RTTN: variants seen among roughly 807,000 people sequenced by gnomAD.
RTTN encodes the protein rotatin.
In RTTN, 182 loss-of-function variants were observed where a neutral mutation model predicts 269.2. That is an observed-to-expected ratio of 0.68 (90% confidence interval 0.60 to 0.76). The LOEUF is 0.76. RTTN is among the 30% of genes least tolerant of loss of function. RTTN has a pLI of 0.00. For missense variants in RTTN, 2,545 were observed against 2,608.6 expected, an observed-to-expected ratio of 0.98 and a Z score of 0.53; for synonymous variants, 1,006 against 963.5, an observed-to-expected ratio of 1.04 and a Z score of -0.82.
At chr18:70,043,166 C>A (rs1000857159) in intron 40 of RTTN, among the ~76,000 whole-genome samples, 1 of 152,174 alleles carries the variant, frequency 6.6e-6, no homozygotes, top group African/African-American at 2.4e-5. Flanking sequence ...CAATTCTGAA[C>A]ACACTGAGAG....
Position 70,065,812 on chromosome 18 carries a change from C to A in RTTN, c.4747+17G>T. ...ATTTTTCTTTTTGAAGGTAGAATGT[C>A]TTCACTAAAAGGATACCTTGAGCCA... On this transcript the variant is annotated intron_variant, in intron 35 of 48. Transcript: ENST00000640769. 1 of 1,527,126 alleles carries A rather than the reference C, an allele frequency of 6.5e-7. No homozygotes were observed. The highest frequency in any genetic ancestry group is 1.3e-5 in the South Asian group (1 of 78,814). The allele number at this position is 1,527,126 out of a possible 1,614,324, so 94.6% of individuals were successfully genotyped here.
intron 35 of RTTN, among the ~76,000 whole-genome samples, chr18:70,062,193 T>C (rs1033173120): frequency 2.0e-5 from 3 of 152,228 alleles, no homozygotes; most frequent in African/African-American, 7.2e-5. Flanking sequence ...ATGTGAAATG[T>C]AGCTGGATTA....
At chr18:70,038,108 G>T (rs900643609) in intron 40 of RTTN, among the ~76,000 whole-genome samples, 1 of 152,182 alleles carries the variant, frequency 6.6e-6, no homozygotes, top group Non-Finnish European at 1.5e-5. Context: ...TAGAACATCA[G>T]GTAAAATTCT....
chr18:70,003,354 C>A lies in RTTN; in HGVS notation c.*797G>T, dbSNP rs1308658100. 1 of 152,076 alleles carries A rather than the reference C, an allele frequency of 6.6e-6. No individual in the cohort carries two copies. Among genetic ancestry groups the A allele is most frequent in the Non-Finnish European group, 1.5e-5 (1 of 68,020 alleles). The allele number at this position is 152,076 out of a possible 1,614,324, so 9.4% of individuals were successfully genotyped here. ...AAGCCCGGCCATCTTCTGCATTTTT[C>A]AGTCTTACTCTATTCTTCATGATGT... On this transcript the variant is annotated 3_prime_UTR_variant, in exon 49 of 49. Coordinates refer to ENST00000640769, the MANE Select transcript of RTTN (RefSeq NM_173630.4).
At chr18:70,200,133 A>G (rs994418977) in intron 4 of RTTN, among the ~76,000 whole-genome samples, 4 of 152,254 alleles carry the variant, frequency 2.6e-5, no homozygotes, top group African/African-American at 7.2e-5. Flanking sequence ...TAGCATCTAC[A>G]TAAGTCCTTC....
chr18:70,180,247 C>T (rs900173426), intron 10 of RTTN, among the ~76,000 whole-genome samples: 1 of 152,178 alleles, frequency 6.6e-6, no homozygotes, highest in Admixed American at 6.5e-5. Context: ...CTAATCCCAG[C>T]ACTTTGGGAG....
chr18:70,055,041 T>C (rs1207547440), intron 37 of RTTN, among the ~76,000 whole-genome samples: 1 of 152,114 alleles, frequency 6.6e-6, no homozygotes, highest in Non-Finnish European at 1.5e-5. Flanking sequence ...GCCCTCAGCA[T>C]AAAATTACTA....
intron 44 of RTTN, among the ~76,000 whole-genome samples, chr18:70,023,528 T>C (rs1168633146): frequency 6.6e-6 from 1 of 152,204 alleles, no homozygotes; most frequent in Non-Finnish European, 1.5e-5. Context: ...TTCCCCATTT[T>C]AGTAAATGGC....
intron 10 of RTTN, among the ~76,000 whole-genome samples, chr18:70,182,652 T>C (rs550212872): frequency 8.5e-5 from 13 of 152,228 alleles, no homozygotes; most frequent in Non-Finnish European, 1.9e-4. Context: ...AAATGATTTA[T>C]GATATTTTGA....
At chr18:70,126,189 A>C (rs1347065540) in intron 25 of RTTN, among the ~76,000 whole-genome samples, 1 of 152,100 alleles carries the variant, frequency 6.6e-6, no homozygotes, top group Non-Finnish European at 1.5e-5. Flanking sequence ...ACTGACCCAC[A>C]GTTTGAGAGT....
intron 32 of RTTN, among the ~76,000 whole-genome samples, chr18:70,083,690 A>G (rs924627416): frequency 6.6e-6 from 1 of 152,166 alleles, no homozygotes; most frequent in African/African-American, 2.4e-5. Flanking sequence ...ATTACAAGGA[A>G]AGGTAAATTG....
chr18:70,015,197 G>T (rs1480002560), intron 46 of RTTN, among the ~76,000 whole-genome samples: 1 of 152,008 alleles, frequency 6.6e-6, no homozygotes, highest in African/African-American at 2.4e-5. Flanking sequence ...TACTACTGGG[G>T]ACTACAAGGT....
chr18:70,166,209 C>G, intron 13 of RTTN, 21 bp from the exon 14 acceptor site: 1 of 1,611,076 alleles, frequency 6.2e-7, no homozygotes, highest in Non-Finnish European at 8.5e-7. Context: ...GGTAAAACAA[C>G]CAAGACATGT....
chr18:70,142,280 G>A lies in RTTN; in HGVS notation c.2581+8C>T, dbSNP rs368691056. On this transcript the variant is annotated splice_region_variant and intron_variant, in intron 19 of 48. Coordinates refer to ENST00000640769, the MANE Select transcript of RTTN (RefSeq NM_173630.4). ...AGTACAGCAATCATTTCCCTTAAAA[G>A]ACATTACCTTGCATAATCACAGCTA... The A allele has an allele frequency of 7.8e-5, 120 of 1,546,200 alleles. No individual in the cohort carries two copies. The Middle Eastern group carries it at 8.4e-4, about 11-fold the overall frequency.
chr18:70,202,314 A>G (rs2061974249), intron 3 of RTTN, among the ~76,000 whole-genome samples: 1 of 152,194 alleles, frequency 6.6e-6, no homozygotes, highest in South Asian at 2.1e-4. Context: ...CTTGACTCCA[A>G]TTATATAGTT....
intron 28 of RTTN, among the ~76,000 whole-genome samples, chr18:70,104,540 G>C (rs2059268855): frequency 6.6e-6 from 1 of 152,184 alleles, no homozygotes; most frequent in Admixed American, 6.5e-5. Flanking sequence ...TTGCTGACAA[G>C]GAGCTGTGTT....
intron 34 of RTTN, among the ~76,000 whole-genome samples, chr18:70,070,897 T>C (rs1462832372): frequency 1.3e-5 from 2 of 152,214 alleles, no homozygotes; most frequent in Non-Finnish European, 2.9e-5. Flanking sequence ...ATCTTTTCAG[T>C]CCCTTGCAAA....
Position 70,154,412 on chromosome 18 carries a change from A to C in RTTN, c.1930-3679T>G, listed in dbSNP as rs77819457. ...TTTTTATTTCCAATAATTATTTAAA[A>C]TCTGCCTCAAGAAAGATATCAAATC... On this transcript the variant is annotated intron_variant, in intron 14 of 48. Coordinates refer to ENST00000640769, the MANE Select transcript of RTTN (RefSeq NM_173630.4). Among the ~76,000 whole-genome samples, 761 of 152,242 alleles carry C rather than the reference A, an allele frequency of 5.0e-3. 5 individuals carry two copies. The highest frequency in any genetic ancestry group is 0.017 in the African/African-American group (721 of 41,538).
chr18:70,121,410 T>C, intron 26 of RTTN, 146 bp downstream of exon 26: 1 of 574,124 alleles, frequency 1.7e-6, no homozygotes, highest in Non-Finnish European at 2.9e-6. Context: ...AGGAAAGCCA[T>C]GTTGTTATGA....
Sources: gnomAD v4.1 joint callset for allele counts (sites outside exome capture counted in the v4.1 genomes callset) on GRCh38, gnomAD v4.1.1 for gene constraint, MANE v1.5 for transcripts, NCBI Gene and HGNC (gene_info 2026-07-23, HGNC 2026-07-21) for gene names.